MAP2K5: variants seen among roughly 807,000 people sequenced by gnomAD.
The protein encoded by MAP2K5 is mitogen-activated protein kinase kinase 5.
MAP2K5 carries 49 observed loss-of-function variants against 83.1 expected under a neutral mutation model. The observed-to-expected ratio is 0.59, with a 90% CI of 0.47 to 0.75. MAP2K5 has a LOEUF of 0.75. Among genes scored for constraint, MAP2K5 ranks in the 30% least tolerant of loss-of-function variants. MAP2K5 has a pLI of 0.00. For missense variants in MAP2K5, 457 were observed against 557.5 expected (o/e 0.82, Z 1.82); for synonymous variants, 202 against 191.8 (o/e 1.05, Z -0.44).
chr15:67,664,310 A>G (rs927616685), intron 12 of MAP2K5, among the ~76,000 whole-genome samples: 4 of 131,028 alleles, frequency 3.1e-5, no homozygotes, highest in African/African-American at 8.8e-5. Context: ...CTTAGGCAAC[A>G]TTAGTGAGAT....
At position 67,782,526 on chromosome 15, in the gene MAP2K5, G is replaced by A. The variant is rs1390840396; in HGVS notation, c.1242+9774G>A. ...TTTTTTTCAGCGCCTCACAGTAGGC[G>A]CCTCTCTTCTCACAGTGACCAGGCC... On this transcript the variant is annotated intron_variant, in intron 21 of 21. Coordinates refer to ENST00000178640, the MANE Select transcript of MAP2K5 (RefSeq NM_145160.3). The surrounding 1 kb of genome is among the most constrained non-coding windows in gnomAD (Gnocchi z 4.9). Among the ~76,000 whole-genome samples, 20 of 152,034 alleles carry A rather than the reference G, an allele frequency of 1.3e-4. No homozygotes were observed. Among genetic ancestry groups the A allele is most frequent in the Admixed American group, 1.3e-4 (2 of 15,268 alleles).
At chr15:67,635,922 C>G (rs1190892060) in intron 9 of MAP2K5, among the ~76,000 whole-genome samples, 5 of 152,130 alleles carry the variant, frequency 3.3e-5, no homozygotes, top group Non-Finnish European at 7.4e-5. Context: ...GTGTTTACAT[C>G]TTTAATGTCT....
intron 21 of MAP2K5, among the ~76,000 whole-genome samples, chr15:67,796,075 T>C (rs1178555535): frequency 6.6e-6 from 1 of 152,360 alleles, no homozygotes; most frequent in East Asian, 1.9e-4. Flanking sequence ...TTTACTTCTG[T>C]GCTCTTTTAC....
chr15:67,590,878 T>C (rs546117241), intron 6 of MAP2K5, among the ~76,000 whole-genome samples: 1 of 152,268 alleles, frequency 6.6e-6, no homozygotes, highest in South Asian at 2.1e-4. Flanking sequence ...TGCCAAGTCA[T>C]TGGGCTATAT....
intron 7 of MAP2K5, among the ~76,000 whole-genome samples, chr15:67,597,752 T>C (rs1367638371): frequency 2.0e-5 from 3 of 152,206 alleles, no homozygotes; most frequent in African/African-American, 4.8e-5. Flanking sequence ...ATAAGAGATA[T>C]GAAGTTCTAA....
intron 6 of MAP2K5, among the ~76,000 whole-genome samples, chr15:67,591,331 C>T (rs558278200): frequency 3.3e-5 from 5 of 150,026 alleles, no homozygotes; most frequent in South Asian, 2.2e-4. Context: ...GGTGACAAAG[C>T]GAGACTCTGT....
rs904793275 is a variant in MAP2K5 at position 67,801,999 on chromosome 15, C to A, written c.1243-4647C>A. Among the ~76,000 whole-genome samples, 16 of 152,306 alleles carry A rather than the reference C, an allele frequency of 1.1e-4. No homozygotes were observed. The highest frequency in any genetic ancestry group is 3.9e-4 in the African/African-American group (16 of 41,558). ...ATTAAATGAGCACTGGACTGGAAGTCCAGCCCCACAGGCCTCAGGCAGCAC... is the reference window on the plus strand; with the variant it reads ...ATTAAATGAGCACTGGACTGGAAGTACAGCCCCACAGGCCTCAGGCAGCAC... On this transcript the variant is annotated intron_variant, in intron 21 of 21. Coordinates refer to ENST00000178640, the MANE Select transcript of MAP2K5 (RefSeq NM_145160.3). This position sits in a 1 kb window ranked among gnomAD's most constrained non-coding sequence, Gnocchi z 4.8.
chr15:67,588,914 C>T (rs1259075995), intron 6 of MAP2K5, among the ~76,000 whole-genome samples: 1 of 152,214 alleles, frequency 6.6e-6, no homozygotes, highest in Non-Finnish European at 1.5e-5. Flanking sequence ...CTCCTGGGCT[C>T]AAGTGGTCCT....
chr15:67,635,188 C>CTTT (rs35373677), intron 9 of MAP2K5, among the ~76,000 whole-genome samples: 11 of 141,658 alleles, frequency 7.8e-5, no homozygotes, highest in Non-Finnish European at 9.1e-5. Context: ...AGATATTTAT[C>CTTT]TTTTTTTTTT....
rs2088930012 is a variant in MAP2K5 at position 67,720,352 on chromosome 15, A to G, written c.1045-7564A>G. On this transcript the variant is annotated intron_variant, in intron 16 of 21. Coordinates refer to ENST00000178640, the MANE Select transcript of MAP2K5 (RefSeq NM_145160.3). The surrounding 1 kb of genome is among the most constrained non-coding windows in gnomAD (Gnocchi z 5.7). The stretch of plus-strand genomic sequence containing the variant: ...CATAAGTATATACATATATATCTAT[A>G]TATATACACACTTACACACACACAA... Among the ~76,000 whole-genome samples, 1 of 152,148 alleles carries G rather than the reference A, an allele frequency of 6.6e-6. No individual in the cohort carries two copies. Among genetic ancestry groups the G allele is most frequent in the Non-Finnish European group, 1.5e-5 (1 of 68,030 alleles).
At chr15:67,614,686 G>A (rs2086013743) in intron 8 of MAP2K5, among the ~76,000 whole-genome samples, 1 of 152,184 alleles carries the variant, frequency 6.6e-6, no homozygotes. Flanking sequence ...TGTGGAGAGT[G>A]TTAAAAGCTT....
At chr15:67,803,893 T>G (rs141921379) in intron 21 of MAP2K5, among the ~76,000 whole-genome samples, 2 of 152,220 alleles carry the variant, frequency 1.3e-5, no homozygotes, top group Non-Finnish European at 2.9e-5. Context: ...GGGTTTGGGT[T>G]ACAGACTTGT....
At chr15:67,571,407 T>C (rs368651799) in intron 3 of MAP2K5, among the ~76,000 whole-genome samples, 17 of 152,292 alleles carry the variant, frequency 1.1e-4, no homozygotes, top group African/African-American at 4.1e-4. Flanking sequence ...TATAGTACTG[T>C]AGTAATTGAG....
At position 67,769,754 on chromosome 15, in the gene MAP2K5, C is replaced by A. The variant is rs1948841100; in HGVS notation, c.1196+91C>A. 2 of 1,303,596 alleles carry A rather than the reference C, an allele frequency of 1.5e-6. No individual in the cohort carries two copies. Among genetic ancestry groups the A allele is most frequent in the Non-Finnish European group, 2.2e-6 (2 of 908,672 alleles). The allele number at this position is 1,303,596 out of a possible 1,614,324, so 80.8% of individuals were successfully genotyped here. ...CCGTGAGACCTTATGGCTCTCCCTGCATCCTTTTGGAGACAGGAGGGACTT... is the reference window on the plus strand; with the variant it reads ...CCGTGAGACCTTATGGCTCTCCCTGAATCCTTTTGGAGACAGGAGGGACTT... On this transcript the variant is annotated intron_variant, in intron 20 of 21. Coordinates refer to ENST00000178640, the MANE Select transcript of MAP2K5 (RefSeq NM_145160.3). This position sits in a 1 kb window ranked among gnomAD's most constrained non-coding sequence, Gnocchi z 5.2.
intron 13 of MAP2K5, among the ~76,000 whole-genome samples, chr15:67,673,130 G>C (rs1414065257): frequency 2.0e-5 from 3 of 152,096 alleles, no homozygotes; most frequent in Non-Finnish European, 2.9e-5. Context: ...GCTTAGGATT[G>C]ACTTGGCAAT....
At chr15:67,590,372 T>TC (rs1390796082) in intron 6 of MAP2K5, among the ~76,000 whole-genome samples, 4 of 151,596 alleles carry the variant, frequency 2.6e-5, no homozygotes, top group African/African-American at 9.7e-5. Flanking sequence ...TCTCTTTTTT[T>TC]CCTTTTCATT....
chr15:67,753,434 A>C (rs1374567773), intron 19 of MAP2K5, among the ~76,000 whole-genome samples: 1 of 152,230 alleles, frequency 6.6e-6, no homozygotes, highest in East Asian at 1.9e-4. Flanking sequence ...TTTGCAAATC[A>C]TATATCTGAT....
At chr15:67,675,316 A>G (rs2087651091) in intron 13 of MAP2K5, among the ~76,000 whole-genome samples, 1 of 152,218 alleles carries the variant, frequency 6.6e-6, no homozygotes, top group Non-Finnish European at 1.5e-5. Flanking sequence ...CCTCCAGATC[A>G]TTATACTGAG....
At position 67,757,805 on chromosome 15, in the gene MAP2K5, T is replaced by C. The variant is rs2089869431; in HGVS notation, c.1134+9204T>C. ...TTACGATATGGTATTTAATGATGTT[T>C]GTAGCCATATAAATTCTATAATTAA... On this transcript the variant is annotated intron_variant, in intron 19 of 21. Transcript: ENST00000178640. This position sits in a 1 kb window ranked among gnomAD's most constrained non-coding sequence, Gnocchi z 4.9. Among the ~76,000 whole-genome samples the C allele has an allele frequency of 1.3e-5, 2 of 152,132 alleles. No individual in the cohort carries two copies.
Sources: allele counts gnomAD v4.1 joint callset (sites outside exome capture counted in the v4.1 genomes callset), GRCh38; gene constraint gnomAD v4.1.1; non-coding constraint Gnocchi (gnomAD v3.1); transcripts MANE v1.5; gene names NCBI Gene and HGNC (gene_info 2026-07-23, HGNC 2026-07-21).